The following FBXO4 variants were observed in gnomAD, a reference collection of about 807,000 sequenced individuals.
FBXO4 encodes F-box only protein 4.
FBXO4 carries 36 observed loss-of-function variants against 43.7 expected under a neutral mutation model. The ratio of observed to expected loss-of-function variants is 0.82; its 90% CI spans 0.63 to 1.09. FBXO4 has a LOEUF of 1.09. Ranked by LOEUF, FBXO4 falls within the 50% of genes least tolerant of loss-of-function variation. The probability of loss-of-function intolerance (pLI) is 0.00; values close to 1 mark genes in which losing one functional copy is unlikely to be tolerated. For missense variants in FBXO4, 435 were observed against 474.1 expected (o/e 0.92, Z 0.77); for synonymous variants, 180 against 165.6 (o/e 1.09, Z -0.67).
chr5:42,035,516 A>C, the FBXO4 span, among the ~76,000 whole-genome samples: 2 of 152,092 alleles, frequency 1.3e-5, no homozygotes, highest in Non-Finnish European at 2.9e-5. Context: ...GCTTTCTATA[A>C]TTCTAATTTT....
the FBXO4 span, among the ~76,000 whole-genome samples, chr5:42,004,950 G>T: frequency 6.6e-6 from 1 of 152,114 alleles, no homozygotes; most frequent in Non-Finnish European, 1.5e-5. Flanking sequence ...GGCATTGATT[G>T]ATTGATCTAA....
At chr5:41,967,180 C>T in the FBXO4 span, 22 of 463,740 alleles carry the variant, frequency 4.7e-5, no homozygotes, top group Admixed American at 1.0e-4. Flanking sequence ...CAGCACTTTC[C>T]GTTCTTCAAG....
At chr5:41,929,235 A>G (rs886780238) in intron 2 of FBXO4, among the ~76,000 whole-genome samples, 4 of 152,154 alleles carry the variant, frequency 2.6e-5, no homozygotes, top group South Asian at 2.1e-4. Context: ...GGCCTGCCCT[A>G]TGCATTGTAG....
chr5:42,016,248 T>C, the FBXO4 span, among the ~76,000 whole-genome samples: 2 of 152,270 alleles, frequency 1.3e-5, no homozygotes, highest in African/African-American at 4.8e-5. Flanking sequence ...GGTGGCATGT[T>C]GCTCTGTTCT....
the FBXO4 span, among the ~76,000 whole-genome samples, chr5:41,962,426 A>G: frequency 6.6e-6 from 1 of 152,162 alleles, no homozygotes; most frequent in East Asian, 1.9e-4. Flanking sequence ...AATTTTGTTC[A>G]GGTTTTTGTG....
At chr5:41,972,606 T>G in the FBXO4 span, among the ~76,000 whole-genome samples, 1 of 152,086 alleles carries the variant, frequency 6.6e-6, no homozygotes, top group African/African-American at 2.4e-5. Context: ...AAAATAAGCC[T>G]GAATAGCCAA....
chr5:41,948,580 G>A, the FBXO4 span, among the ~76,000 whole-genome samples: 1 of 151,746 alleles, frequency 6.6e-6, no homozygotes, highest in African/African-American at 2.4e-5. Context: ...TCCTCCCTTT[G>A]GTGATACCGT....
the FBXO4 span, among the ~76,000 whole-genome samples, chr5:42,017,879 A>G: frequency 2.0e-5 from 3 of 151,286 alleles, no homozygotes; most frequent in African/African-American, 7.3e-5. Context: ...TCATGTTGCT[A>G]TTGTGAATAG....
chr5:42,005,887 C>T, the FBXO4 span, among the ~76,000 whole-genome samples: 1 of 152,180 alleles, frequency 6.6e-6, no homozygotes, highest in Admixed American at 6.6e-5. Flanking sequence ...AAACCAGTGA[C>T]CCGCTATTGC....
At chr5:42,007,417 A>G in the FBXO4 span, among the ~76,000 whole-genome samples, 5 of 152,244 alleles carry the variant, frequency 3.3e-5, no homozygotes, top group Non-Finnish European at 7.4e-5. Flanking sequence ...GCCATCTTCT[A>G]AGACGTGTAA....
At chr5:41,999,446 A>AGTGTGTGTGT in the FBXO4 span, among the ~76,000 whole-genome samples, 225 of 107,484 alleles carry the variant, frequency 2.1e-3, 1 homozygote, top group African/African-American at 8.2e-3. Context: ...TATATATGTG[A>AGTGTGTGTGT]GTGTGTGTGT....
At chr5:41,945,332 TAATG>T (rs1340277690), downstream of FBXO4, among the ~76,000 whole-genome samples, 1 of 152,228 alleles carries the variant, frequency 6.6e-6, no homozygotes. Context: ...TTAGAATGAA[TAATG>T]AATAAATGGC....
chr5:42,011,566 T>C, the FBXO4 span, among the ~76,000 whole-genome samples: 15 of 152,262 alleles, frequency 9.9e-5, no homozygotes, highest in Non-Finnish European at 1.8e-4. Context: ...TGCATGTGCC[T>C]GGCTCTTACG....
Position 41,927,012 on chromosome 5 carries a change from G to T in FBXO4, c.190-1G>T. On this transcript the variant is annotated splice_acceptor_variant, in intron 1 of 6. Transcript: ENST00000281623. LOFTEE classifies it high-confidence loss of function. ...CTACCTGCTGCTTTCTTCTGTTTCA[G>T]ATTGATGTACAGCTATATATTTTGT... is the stretch of plus-strand genomic sequence containing the variant. 1 of 1,567,832 alleles carries T rather than the reference G, an allele frequency of 6.4e-7. No individual in the cohort carries two copies.
chr5:42,000,866 G>A, the FBXO4 span, among the ~76,000 whole-genome samples: 1 of 152,050 alleles, frequency 6.6e-6, no homozygotes, highest in African/African-American at 2.4e-5. Flanking sequence ...TGGCATCTTT[G>A]TCAATAATCA....
chr5:41,939,731 A>G lies in FBXO4; in HGVS notation c.1074+115A>G, dbSNP rs1381373730. 1.2e-5 allele frequency: 10 copies of G among 816,970 alleles called. No homozygotes were observed. The Admixed American group carries it at 1.5e-4, about 12-fold the overall frequency. 50.6% of individuals were successfully genotyped at this position (816,970 alleles called of 1,614,324 possible). A position where few individuals can be genotyped will look rare whatever the true frequency, so the allele number is the denominator to read the frequency against. On this transcript the variant is annotated intron_variant, in intron 6 of 6. Transcript: ENST00000281623. ...AAATGGCATTCTAAAGTCAATTTTA[A>G]TAGCTTAATCTATGGAAGCTATTTG...
chr5:41,966,032 C>T, the FBXO4 span, among the ~76,000 whole-genome samples: 1 of 152,098 alleles, frequency 6.6e-6, no homozygotes, highest in South Asian at 2.1e-4. Context: ...TCACTCTCAG[C>T]AAACTATCAC....
the FBXO4 span, among the ~76,000 whole-genome samples, chr5:42,033,164 A>T: frequency 1.8e-4 from 28 of 152,170 alleles, no homozygotes; most frequent in South Asian, 4.6e-3. Flanking sequence ...TGAAGTTGTG[A>T]GCTGTGCAGC....
the FBXO4 span, chr5:41,968,516 GAC>G: frequency 1.3e-5 from 2 of 152,266 alleles, no homozygotes; most frequent in African/African-American, 2.4e-5. Context: ...GATTAGCTGT[GAC>G]ACAGTCTCCC....
Sources: gnomAD v4.1 joint callset for allele counts (sites outside exome capture counted in the v4.1 genomes callset) on GRCh38, gnomAD v4.1.1 for gene constraint, MANE v1.5 for transcripts, NCBI Gene and HGNC (gene_info 2026-07-23, HGNC 2026-07-21) for gene names.